Variants in DCBLD2 observed in about 807,000 individuals in gnomAD.
The protein encoded by DCBLD2 is discoidin, CUB and LCCL domain-containing protein 2.
In DCBLD2, 54 loss-of-function variants were observed where a neutral mutation model predicts 86.8. The ratio of observed to expected loss-of-function variants is 0.62; its 90% CI spans 0.50 to 0.78. DCBLD2 has a LOEUF of 0.78. Ranked by LOEUF, DCBLD2 falls within the 30% of genes least tolerant of loss-of-function variation. DCBLD2 has a pLI of 0.00. For missense variants in DCBLD2, 908 were observed against 954.2 expected (o/e 0.95, Z 0.64); for synonymous variants, 354 against 341.3 (o/e 1.04, Z -0.41).
At chr3:98,811,361 C>A in intron 11 of DCBLD2, 42 bp from the exon 12 acceptor site, 1 of 1,612,198 alleles carries the variant, frequency 6.2e-7, no homozygotes. Flanking sequence ...TTAATCTGTA[C>A]CAACTTGATT....
chr3:98,874,564 G>A (rs950146691), intron 2 of DCBLD2, among the ~76,000 whole-genome samples: 5 of 152,056 alleles, frequency 3.3e-5, no homozygotes, highest in African/African-American at 1.2e-4. Flanking sequence ...GGAAATCAGT[G>A]GATACTTCCT....
intron 1 of DCBLD2, among the ~76,000 whole-genome samples, chr3:98,900,447 G>A (rs2107538316): frequency 6.6e-6 from 1 of 152,048 alleles, no homozygotes; most frequent in African/African-American, 2.4e-5. Context: ...GCCTGTTTCT[G>A]GAACAGGTTT....
chr3:98,827,970 A>G (rs78737006), intron 3 of DCBLD2, among the ~76,000 whole-genome samples: 79 of 152,328 alleles, frequency 5.2e-4, no homozygotes, highest in African/African-American at 1.8e-3. Context: ...AGACAATTCA[A>G]TGGGGGGAAG....
At chr3:98,862,982 C>A (rs9846225) in intron 2 of DCBLD2, among the ~76,000 whole-genome samples, 50,436 of 151,802 alleles carry the variant, frequency 0.33, 8,580 homozygotes, top group Non-Finnish European at 0.38. Context: ...CCATCATCTA[C>A]GCCCAAAATC....
intron 4 of DCBLD2, 136 bp from the exon 5 acceptor site, chr3:98,822,877 A>C: frequency 1.5e-6 from 1 of 688,076 alleles, no homozygotes; most frequent in Admixed American, 3.5e-5. Flanking sequence ...AAGACCCACC[A>C]CTTCTTTTTT....
intron 2 of DCBLD2, among the ~76,000 whole-genome samples, chr3:98,865,523 T>A (rs1374626120): frequency 1.3e-5 from 2 of 152,088 alleles, no homozygotes; most frequent in Non-Finnish European, 2.9e-5. Context: ...ATAGGAGTGA[T>A]AAGTTAAAAA....
At chr3:98,864,132 T>A (rs144165965) in intron 2 of DCBLD2, among the ~76,000 whole-genome samples, 89 of 152,218 alleles carry the variant, frequency 5.8e-4, no homozygotes, top group African/African-American at 2.0e-3. Flanking sequence ...ATCAGAGAAA[T>A]GCAAATCAAA....
At chr3:98,868,199 G>C (rs1253127452) in intron 2 of DCBLD2, among the ~76,000 whole-genome samples, 1 of 152,134 alleles carries the variant, frequency 6.6e-6, no homozygotes, top group African/African-American at 2.4e-5. Context: ...TTTTAAACAT[G>C]CAAAATCTGC....
chr3:98,845,864 C>G (rs768456875), intron 3 of DCBLD2, among the ~76,000 whole-genome samples: 1 of 152,194 alleles, frequency 6.6e-6, no homozygotes, highest in Non-Finnish European at 1.5e-5. Context: ...TGCCTGGAAA[C>G]TCCAATCCTT....
At chr3:98,845,633 T>A (rs1178901884) in intron 3 of DCBLD2, among the ~76,000 whole-genome samples, 1 of 152,182 alleles carries the variant, frequency 6.6e-6, no homozygotes, top group Non-Finnish European at 1.5e-5. Context: ...TCACACCACT[T>A]CTCTGTTCTT....
At chr3:98,823,816 T>A (rs1484911842) in intron 4 of DCBLD2, among the ~76,000 whole-genome samples, 1 of 152,192 alleles carries the variant, frequency 6.6e-6, no homozygotes, top group Non-Finnish European at 1.5e-5. Context: ...ATTAAGGAAC[T>A]GTATGCCCAT....
chr3:98,837,299 CA>C, intron 3 of DCBLD2, among the ~76,000 whole-genome samples: 1 of 8,070 alleles, frequency 1.2e-4, no homozygotes, highest in African/African-American at 2.3e-4. Context: ...GGGGGGCCGA[CA>C]CCCCCACCTC....
intron 3 of DCBLD2, among the ~76,000 whole-genome samples, chr3:98,839,286 C>T (rs1299431988): frequency 6.6e-6 from 1 of 150,762 alleles, no homozygotes; most frequent in Non-Finnish European, 1.5e-5. Flanking sequence ...GCTCTGTTGC[C>T]CAGGCTGGAA....
chr3:98,801,510 G>T, intron 14 of DCBLD2, 90 bp downstream of exon 14: 2 of 1,013,058 alleles, frequency 2.0e-6, no homozygotes, highest in Non-Finnish European at 2.9e-6. Context: ...GTTCACCTGG[G>T]CCAGAGAATG....
Position 98,864,883 on chromosome 3 carries a change from A to C in DCBLD2, c.434-15285T>G, listed in dbSNP as rs1018221924. Among the ~76,000 whole-genome samples, 3 of 152,100 alleles carry C rather than the reference A, an allele frequency of 2.0e-5. No homozygotes were observed. In the South Asian group the frequency reaches 6.2e-4, roughly 32 times the overall value. On this transcript the variant is annotated intron_variant, in intron 2 of 15. Coordinates refer to ENST00000326840, the MANE Select transcript of DCBLD2 (RefSeq NM_080927.4). Reference sequence around the variant, plus strand: ...AAAGAAAAAATGTTCTGCACCGTTAAACACCAAGGAAATGAAAATAAAACC... The same window carrying C: ...AAAGAAAAAATGTTCTGCACCGTTACACACCAAGGAAATGAAAATAAAACC...
At chr3:98,856,204 AG>A (rs955899427) in intron 2 of DCBLD2, among the ~76,000 whole-genome samples, 21 of 152,342 alleles carry the variant, frequency 1.4e-4, no homozygotes, top group Admixed American at 3.9e-4. Context: ...GGATGGGGGC[AG>A]GATCTCACAG....
intron 3 of DCBLD2, among the ~76,000 whole-genome samples, chr3:98,843,892 A>C (rs1942668214): frequency 6.6e-6 from 1 of 152,176 alleles, no homozygotes; most frequent in African/African-American, 2.4e-5. Flanking sequence ...CCCGTCCAAA[A>C]TAAAGGCAAA....
intron 3 of DCBLD2, among the ~76,000 whole-genome samples, chr3:98,836,171 T>C (rs2107465041): frequency 7.0e-6 from 1 of 143,502 alleles, no homozygotes; most frequent in South Asian, 2.3e-4. Context: ...GTTTTGTATG[T>C]ATCCACATAT....
At chr3:98,840,565 T>C (rs890964971) in intron 3 of DCBLD2, among the ~76,000 whole-genome samples, 1 of 152,180 alleles carries the variant, frequency 6.6e-6, no homozygotes, top group Non-Finnish European at 1.5e-5. Flanking sequence ...GGCATGATCC[T>C]AGCTCACTGC....
Sources: allele counts gnomAD v4.1 joint callset (sites outside exome capture counted in the v4.1 genomes callset), GRCh38; gene constraint gnomAD v4.1.1; transcripts MANE v1.5; gene names NCBI Gene and HGNC (gene_info 2026-07-23, HGNC 2026-07-21).